KIAA1328: variants seen among roughly 807,000 people sequenced by gnomAD.
KIAA1328 encodes the protein protein hinderin.
Under a neutral mutation model 68.1 loss-of-function variants are expected in KIAA1328, and 52 were observed. The ratio of observed to expected loss-of-function variants is 0.76; its 90% confidence interval spans 0.61 to 0.96. The LOEUF (loss-of-function observed/expected upper bound fraction) is 0.96, where lower values mean the gene tolerates loss of function less well. Ranked by LOEUF, KIAA1328 falls within the 40% of genes least tolerant of loss-of-function variation. The pLI, the probability that KIAA1328 is intolerant of heterozygous loss-of-function variation, is 0.00. For missense variants in KIAA1328, 641 were observed against 677.6 expected (o/e 0.95, Z 0.60); for synonymous variants, 232 against 239.4 (o/e 0.97, Z 0.28).
intron 6 of KIAA1328, among the ~76,000 whole-genome samples, chr18:37,032,279 G>C (rs1224810236): frequency 2.0e-5 from 3 of 152,022 alleles, no homozygotes; most frequent in Admixed American, 2.0e-4. Flanking sequence ...ACTTCCATTT[G>C]TTCTGTTATT....
At chr18:37,019,040 T>A (rs1057112561) in intron 6 of KIAA1328, among the ~76,000 whole-genome samples, 1 of 152,224 alleles carries the variant, frequency 6.6e-6, no homozygotes, top group African/African-American at 2.4e-5. Flanking sequence ...TTCCTTCTCA[T>A]CTGATGATGC....
intron 7 of KIAA1328, among the ~76,000 whole-genome samples, chr18:37,070,071 C>G (rs2056472849): frequency 6.6e-6 from 1 of 151,926 alleles, no homozygotes; most frequent in Non-Finnish European, 1.5e-5. Flanking sequence ...TTGAAACTTC[C>G]TATTTGACCC....
rs757915141 is a variant in KIAA1328 at position 37,022,057 on chromosome 18, T to TTAAAATAAAA, written c.577-44812_577-44803dup. ...TCTGTCTCATAAATTAATTAATTAA[T>TTAAAATAAAA]TAAAATAAAATAAAATAAAATAAAA... On this transcript the variant is annotated intron_variant, in intron 6 of 9. Coordinates refer to ENST00000280020, the MANE Select transcript of KIAA1328 (RefSeq NM_020776.3). 1.6e-3 allele frequency among the ~76,000 whole-genome samples: 248 copies of TTAAAATAAAA among 151,296 alleles called. 1 individual carries two copies. Among genetic ancestry groups the TTAAAATAAAA allele is most frequent in the African/African-American group, 2.8e-3 (114 of 41,288 alleles).
At chr18:37,150,076 T>G (rs2058993988) in intron 7 of KIAA1328, among the ~76,000 whole-genome samples, 1 of 152,184 alleles carries the variant, frequency 6.6e-6, no homozygotes, top group South Asian at 2.1e-4. Context: ...AAAATTTGAA[T>G]AACCCTATAT....
rs137989513 is a variant in KIAA1328, at chr18:36,885,549, T to TA, written c.333-7dup. The TA allele has an allele frequency of 0.15, 208,939 of 1,440,620 alleles. 7,939 individuals carry two copies. Among genetic ancestry groups the TA allele is most frequent in the Non-Finnish European group, 0.16 (170,938 of 1,074,092 alleles). The allele number at this position is 1,440,620 out of a possible 1,614,324, so 89.2% of individuals were successfully genotyped here. ...TAGATGTTAAAGGTTTTTTTTTTTT[T>TA]ATTTCAGAGTAAGTGAGGAAAAGGA... On this transcript the variant is annotated splice_region_variant and splice_polypyrimidine_tract_variant and intron_variant, in intron 4 of 9. Coordinates refer to ENST00000280020, the MANE Select transcript of KIAA1328 (RefSeq NM_020776.3).
chr18:37,136,193 G>A (rs1166859575), intron 7 of KIAA1328, among the ~76,000 whole-genome samples: 3 of 152,188 alleles, frequency 2.0e-5, no homozygotes, highest in Non-Finnish European at 4.4e-5. Context: ...CACTGGCCGT[G>A]TGTGTTGATT....
chr18:37,166,031 G>T (rs550836437), intron 8 of KIAA1328, among the ~76,000 whole-genome samples: 1 of 146,028 alleles, frequency 6.8e-6, no homozygotes, highest in African/African-American at 2.7e-5. Context: ...AGATATTGGG[G>T]TGGTAATTTT....
At chr18:36,973,387 C>T (rs767791072) in intron 6 of KIAA1328, among the ~76,000 whole-genome samples, 6 of 151,942 alleles carry the variant, frequency 3.9e-5, no homozygotes, top group Non-Finnish European at 2.9e-5. Flanking sequence ...GACGAGTTAA[C>T]GGGTGCAGCA....
At chr18:37,127,519 G>A (rs2058421633) in intron 7 of KIAA1328, among the ~76,000 whole-genome samples, 1 of 151,792 alleles carries the variant, frequency 6.6e-6, no homozygotes, top group African/African-American at 2.4e-5. Context: ...GACCAACCTG[G>A]GCAATGTAGG....
At chr18:37,141,465 G>T (rs901521147) in intron 7 of KIAA1328, among the ~76,000 whole-genome samples, 3 of 152,102 alleles carry the variant, frequency 2.0e-5, no homozygotes, top group Non-Finnish European at 4.4e-5. Flanking sequence ...CATTGTATAA[G>T]TATATTACAA....
At chr18:37,229,624 C>T (rs1056886760), downstream of KIAA1328, 10 of 1,228,258 alleles carry the variant, frequency 8.1e-6, no homozygotes, top group Non-Finnish European at 1.1e-5. Context: ...ACCTGTAATC[C>T]CAGGCTTTGG....
At chr18:37,179,548 CA>C (rs1396765657) in intron 9 of KIAA1328, among the ~76,000 whole-genome samples, 3 of 152,134 alleles carry the variant, frequency 2.0e-5, no homozygotes, top group Non-Finnish European at 1.5e-5. Context: ...GCCATGCTCA[CA>C]AGGCAGCTGT....
intron 5 of KIAA1328, among the ~76,000 whole-genome samples, chr18:36,945,956 C>T (rs774985456): frequency 6.6e-6 from 1 of 152,070 alleles, no homozygotes; most frequent in Non-Finnish European, 1.5e-5. Flanking sequence ...TTAGATCTTG[C>T]GGTATTTGCA....
At chr18:37,054,030 A>G (rs1479208087) in intron 6 of KIAA1328, among the ~76,000 whole-genome samples, 1 of 152,222 alleles carries the variant, frequency 6.6e-6, no homozygotes, top group East Asian at 1.9e-4. Flanking sequence ...GAAGATATGT[A>G]AGTGGCCAAG....
chr18:36,925,631 G>T (rs2050086275), intron 5 of KIAA1328, among the ~76,000 whole-genome samples: 1 of 151,414 alleles, frequency 6.6e-6, no homozygotes, highest in Non-Finnish European at 1.5e-5. Context: ...TCAACCTCCT[G>T]GGCTCAAGCA....
chr18:37,021,324 ATTC>A (rs2054338012), intron 6 of KIAA1328, among the ~76,000 whole-genome samples: 1 of 152,226 alleles, frequency 6.6e-6, no homozygotes, highest in Non-Finnish European at 1.5e-5. Context: ...AAATCAGCCT[ATTC>A]TTTTCAATAA....
At chr18:37,103,803 T>TACAC (rs60337954) in intron 7 of KIAA1328, among the ~76,000 whole-genome samples, 1,742 of 145,744 alleles carry the variant, frequency 0.012, 15 homozygotes, top group South Asian at 0.02. Flanking sequence ...CAATAGCAAA[T>TACAC]ACACACACAC....
chr18:36,940,833 G>A (rs1241448606), intron 5 of KIAA1328, among the ~76,000 whole-genome samples: 1 of 151,812 alleles, frequency 6.6e-6, no homozygotes, highest in East Asian at 1.9e-4. Flanking sequence ...ATGCCACCAC[G>A]ACCAGCTAAT....
intron 1 of KIAA1328, chr18:36,833,312 G>A (rs528704579): frequency 2.0e-5 from 3 of 152,270 alleles, no homozygotes; most frequent in South Asian, 2.1e-4. Context: ...TATGACATAA[G>A]TCCTAAAGTG....
Sources: allele counts gnomAD v4.1 joint callset (sites outside exome capture counted in the v4.1 genomes callset), GRCh38; gene constraint gnomAD v4.1.1; transcripts MANE v1.5; gene names NCBI Gene and HGNC (gene_info 2026-07-23, HGNC 2026-07-21).